Variants in CLSTN2 observed in about 807,000 individuals in gnomAD.
The protein encoded by CLSTN2 is calsyntenin 2.
A neutral mutation model predicts 101.2 loss-of-function variants in CLSTN2; 48 were observed. The observed-to-expected ratio is 0.47, with a 90% CI of 0.38 to 0.60. CLSTN2 has a LOEUF of 0.60. CLSTN2 is among the 20% of genes least tolerant of loss of function. The pLI, the probability that CLSTN2 is intolerant of heterozygous loss-of-function variation, is 0.00. For synonymous variants in CLSTN2, 481 were observed against 463.6 expected (o/e 1.04, Z -0.48); for missense variants, 1,160 against 1,238.2 (o/e 0.94, Z 0.95).
intron 1 of CLSTN2, among the ~76,000 whole-genome samples, chr3:140,045,513 G>A (rs74779942): frequency 0.13 from 20,408 of 151,978 alleles, 1,942 homozygotes; most frequent in African/African-American, 0.26. Flanking sequence ...GGTTTTTTGT[G>A]TCTCTATCTC....
At chr3:140,021,866 TA>T (rs2007323109) in intron 1 of CLSTN2, among the ~76,000 whole-genome samples, 1 of 152,210 alleles carries the variant, frequency 6.6e-6, no homozygotes, top group African/African-American at 2.4e-5. Flanking sequence ...CATTGAATGT[TA>T]ACAATAAGAT....
chr3:140,193,261 G>GTTTTTT (rs367933711), intron 2 of CLSTN2, among the ~76,000 whole-genome samples: 60 of 87,366 alleles, frequency 6.9e-4, no homozygotes, highest in Non-Finnish European at 9.8e-4. Context: ...CTTTTTTATA[G>GTTTTTT]TTTTTTTTTT....
At chr3:140,409,291 G>T (rs964129345) in intron 4 of CLSTN2, among the ~76,000 whole-genome samples, 4 of 152,222 alleles carry the variant, frequency 2.6e-5, no homozygotes, top group Non-Finnish European at 5.9e-5. Flanking sequence ...TCCCCCTGCT[G>T]CCTGCACGAG....
chr3:140,163,237 A>G (rs2010079430), intron 1 of CLSTN2, among the ~76,000 whole-genome samples: 1 of 152,184 alleles, frequency 6.6e-6, no homozygotes. Flanking sequence ...GATGAGCCTC[A>G]TCCAATCAGT....
intron 1 of CLSTN2, among the ~76,000 whole-genome samples, chr3:139,967,324 T>G (rs1935617989): frequency 6.6e-6 from 1 of 152,240 alleles, no homozygotes; most frequent in South Asian, 2.1e-4. Flanking sequence ...TCTTGTTTTC[T>G]AAAGTTATAC....
chr3:140,481,381 G>A (rs1161222071), intron 8 of CLSTN2, among the ~76,000 whole-genome samples: 1 of 152,226 alleles, frequency 6.6e-6, no homozygotes, highest in East Asian at 1.9e-4. Context: ...CAGGTAGCAT[G>A]ATGCCTCCAG....
intron 2 of CLSTN2, among the ~76,000 whole-genome samples, chr3:140,281,175 G>C (rs1442904386): frequency 6.6e-6 from 1 of 152,134 alleles, no homozygotes; most frequent in Non-Finnish European, 1.5e-5. Context: ...CTCATTCAAA[G>C]CAAGATGGCA....
At chr3:140,105,609 C>T (rs1330100066) in intron 1 of CLSTN2, among the ~76,000 whole-genome samples, 6 of 152,194 alleles carry the variant, frequency 3.9e-5, no homozygotes, top group Non-Finnish European at 8.8e-5. Flanking sequence ...CTAATCTATG[C>T]AAGGCTCCTT....
chr3:140,560,590 C>A (rs1450758956), intron 12 of CLSTN2, among the ~76,000 whole-genome samples: 1 of 152,138 alleles, frequency 6.6e-6, no homozygotes, highest in East Asian at 1.9e-4. Context: ...CCAGGAGGAC[C>A]CCGAGGGCTC....
intron 1 of CLSTN2, among the ~76,000 whole-genome samples, chr3:140,129,939 A>T (rs1413063871): frequency 6.6e-6 from 1 of 152,198 alleles, no homozygotes; most frequent in Non-Finnish European, 1.5e-5. Flanking sequence ...CCATTCATCA[A>T]GGGGACACAG....
At chr3:140,131,305 A>ATG in intron 1 of CLSTN2, among the ~76,000 whole-genome samples, 1 of 150,746 alleles carries the variant, frequency 6.6e-6, no homozygotes, top group East Asian at 2.0e-4. Flanking sequence ...TTTCTTTATG[A>ATG]TTTTTTTTTA....
intron 2 of CLSTN2, among the ~76,000 whole-genome samples, chr3:140,205,052 G>A (rs1043729392): frequency 6.6e-6 from 1 of 152,174 alleles, no homozygotes; most frequent in Non-Finnish European, 1.5e-5. Flanking sequence ...CTTATGAAAA[G>A]AGGGTAGGCA....
Position 140,553,350 on chromosome 3 carries a change from C to T in CLSTN2, c.1675-3163C>T, listed in dbSNP as rs1463789387. ...TTATATATATTATCTCATTTAAGAC[C>T]CACACAGGTAGATATTAATTTCCCC... On this transcript the variant is annotated intron_variant, in intron 10 of 16. Coordinates refer to ENST00000458420, the MANE Select transcript of CLSTN2 (RefSeq NM_022131.3). Among the ~76,000 whole-genome samples, 4 of 152,022 alleles carry T rather than the reference C, an allele frequency of 2.6e-5. No individual in the cohort carries two copies. The East Asian group carries it at 7.7e-4, about 29-fold the overall frequency.
intron 2 of CLSTN2, among the ~76,000 whole-genome samples, chr3:140,218,839 C>T (rs998354581): frequency 6.6e-6 from 1 of 152,012 alleles, no homozygotes; most frequent in Non-Finnish European, 1.5e-5. Flanking sequence ...TGTGGAATCC[C>T]CCAGGGGGAC....
intron 1 of CLSTN2, among the ~76,000 whole-genome samples, chr3:140,061,246 G>A (rs1311749116): frequency 6.6e-6 from 1 of 152,210 alleles, no homozygotes; most frequent in Non-Finnish European, 1.5e-5. Context: ...TAAAGGGCCG[G>A]CAGATAAATG....
At chr3:140,315,440 C>T (rs1234939687) in intron 2 of CLSTN2, among the ~76,000 whole-genome samples, 1 of 152,178 alleles carries the variant, frequency 6.6e-6, no homozygotes, top group Non-Finnish European at 1.5e-5. Context: ...GCCCCACAGA[C>T]CAATCCATGT....
intron 2 of CLSTN2, among the ~76,000 whole-genome samples, chr3:140,206,036 A>G (rs970826613): frequency 6.6e-6 from 1 of 152,204 alleles, no homozygotes; most frequent in Non-Finnish European, 1.5e-5. Flanking sequence ...TATAAACTTG[A>G]ATCCACTCAT....
intron 2 of CLSTN2, among the ~76,000 whole-genome samples, chr3:140,201,664 G>A (rs2010718864): frequency 6.6e-6 from 1 of 152,088 alleles, no homozygotes; most frequent in South Asian, 2.1e-4. Context: ...TGTGTGCTAA[G>A]CTCTGTTCTA....
intron 5 of CLSTN2, among the ~76,000 whole-genome samples, chr3:140,434,728 G>A (rs1023369385): frequency 3.3e-5 from 5 of 152,162 alleles, no homozygotes; most frequent in African/African-American, 1.2e-4. Flanking sequence ...GGGCATTTCC[G>A]TCCACTCTTC....
Sources: gnomAD v4.1 joint callset for allele counts (sites outside exome capture counted in the v4.1 genomes callset) on GRCh38, gnomAD v4.1.1 for gene constraint, MANE v1.5 for transcripts, NCBI Gene and HGNC (gene_info 2026-07-23, HGNC 2026-07-21) for gene names.